SLX4: variants seen among roughly 807,000 people sequenced by gnomAD.
SLX4 encodes structure-specific endonuclease subunit SLX4.
SLX4 carries 112 observed loss-of-function variants against 146.2 expected under a neutral mutation model. That is an observed-to-expected ratio of 0.77 (90% CI 0.66 to 0.90). The LOEUF is 0.90. Ranked by LOEUF, SLX4 falls within the 40% of genes least tolerant of loss-of-function variation. SLX4 has a pLI of 0.00. For synonymous variants in SLX4, 1,061 were observed against 997.7 expected (o/e 1.06, Z -1.20); for missense variants, 2,563 against 2,392.7 (o/e 1.07, Z -1.49).
chr16:3,602,660 G>A lies in SLX4; in HGVS notation c.761-353C>T, dbSNP rs117710670. ...GCACAGGACCACTCTGAGTAGCAAG[G>A]ACCTAAACTTTCCCACTTCTGCTGA... On this transcript the variant is annotated intron_variant, in intron 3 of 14. Transcript: ENST00000294008. Among the ~76,000 whole-genome samples the A allele has an allele frequency of 9.7e-3, 1,471 of 152,288 alleles. 9 individuals are homozygous for A. Among genetic ancestry groups the A allele is most frequent in the Non-Finnish European group, 0.014 (966 of 68,028 alleles).
rs754560527 is a variant in SLX4, at chr16:3,592,746, A to G, written c.2280T>C (p.Thr760=). The part of the protein sequence containing the change: ...TFLHYLYTAD[T]GLPPGLSSEL... ...CAGAGCTAAGGCCAGGAGGAAGGCC[A>G]GTGTCCGCAGTGTAGAGATAGTGCA... The change falls in exon 11 of 15, where the codon ACT becomes ACC. Residue 760 remains threonine (T), a synonymous_variant. Coordinates refer to ENST00000294008, the MANE Select transcript of SLX4 (RefSeq NM_032444.4). 3 of 1,613,374 alleles carry G rather than the reference A, an allele frequency of 1.9e-6. No individual in the cohort carries two copies. In the East Asian group the frequency reaches 6.7e-5, roughly 36 times the overall value.
chr16:3,602,443 A>C, intron 3 of SLX4, 136 bp from the exon 4 acceptor site: 1 of 1,006,634 alleles, frequency 9.9e-7, no homozygotes. Flanking sequence ...TCCACTCTGC[A>C]GGCTGGTGAC....
At position 3,606,526 on chromosome 16, in the gene SLX4, C is replaced by T. The variant is rs765742613; in HGVS notation, c.708G>A (p.Ala236=). 1.8e-5 allele frequency: 29 copies of T among 1,614,094 alleles called. No individual in the cohort carries two copies. The highest frequency in any genetic ancestry group is 2.3e-5 in the Non-Finnish European group (27 of 1,180,050). The change falls in exon 3 of 15, where the codon GCG becomes GCA. Residue 236 remains alanine (A), a synonymous_variant. Coordinates refer to ENST00000294008, the MANE Select transcript of SLX4 (RefSeq NM_032444.4). The part of the protein sequence containing the change: ...HASEECSLEA[A]REENVPKDPQ... ...GATCCTTTGGGACATTTTCTTCCCG[C>T]GCAGCCTCGAGGGAGCACTCTTCTG...
chr16:3,602,427 C>T (rs2040738518), intron 3 of SLX4, 120 bp from the exon 4 acceptor site: 7 of 1,144,924 alleles, frequency 6.1e-6, no homozygotes, highest in Non-Finnish European at 9.1e-6. Flanking sequence ...GAAACCAGAA[C>T]CCAGCTCCAC....
In SLX4 at chr16:3,606,963, C is replaced by T. The variant is rs78956406; in HGVS notation, c.536-265G>A. The stretch of plus-strand genomic sequence containing the variant: ...TTTTAGGATGATAAAACTGTTCTAA[C>T]GTTAGGTAGTGGTGGTGGTTGGACA... On this transcript the variant is annotated intron_variant, in intron 2 of 14. Transcript: ENST00000294008. Among the ~76,000 whole-genome samples the T allele has an allele frequency of 0.05, 7,621 of 152,158 alleles. 247 individuals are homozygous for T. Among genetic ancestry groups the T allele is most frequent in the Admixed American group, 0.068 (1,046 of 15,284 alleles).
Position 3,582,529 on chromosome 16 carries a change from T to TA in SLX4, c.5317dup (p.Tyr1773LeufsTer5), listed in dbSNP as rs1567165856. The TA allele has an allele frequency of 6.2e-7, 1 of 1,613,992 alleles. No individual in the cohort carries two copies. The highest frequency in any genetic ancestry group is 1.1e-5 in the South Asian group (1 of 91,088). The stretch of plus-strand genomic sequence containing the variant: ...CAGCTCCCGCAGCTCAAAGGGCTGG[T>TA]ACAGCAGCACCTTCTGGTACAGGGC... On this transcript the variant is annotated frameshift_variant, in exon 15 of 15. Transcript: ENST00000294008. LOFTEE classifies it low-confidence loss of function (END_TRUNC).
chr16:3,610,820 C>T (rs999989921), intron 1 of SLX4, among the ~76,000 whole-genome samples: 37 of 152,110 alleles, frequency 2.4e-4, no homozygotes, highest in African/African-American at 8.4e-4. Context: ...GCAAAGAGTT[C>T]GGTATAATGG....
At chr16:3,611,258 C>G (rs1437360774) in intron 1 of SLX4, among the ~76,000 whole-genome samples, 1 of 152,180 alleles carries the variant, frequency 6.6e-6, no homozygotes, top group Non-Finnish European at 1.5e-5. Flanking sequence ...AAAGGGCTGC[C>G]AAAGACTCTA....
At chr16:3,598,461 A>G (rs1356921603) in intron 5 of SLX4, among the ~76,000 whole-genome samples, 4 of 152,234 alleles carry the variant, frequency 2.6e-5, no homozygotes, top group Non-Finnish European at 5.9e-5. Context: ...GTCCATGGCC[A>G]GAAGGAAGGG....
In SLX4 at chr16:3,606,633, A is replaced by C; in HGVS notation, c.601T>G (p.Ser201Ala). 1 of 1,614,166 alleles carries C rather than the reference A, an allele frequency of 6.2e-7. No homozygotes were observed. The highest frequency in any genetic ancestry group is 8.5e-7 in the Non-Finnish European group (1 of 1,180,032). Residue 201 changes from serine (S) to alanine (A), a missense_variant, in exon 3 of 15, where the codon TCC becomes GCC. Coordinates refer to ENST00000294008, the MANE Select transcript of SLX4 (RefSeq NM_032444.4). ...SCLTTAVPSP[S>A]KPRTAQLVLQ... ...ACCAATTGTGCTGTGCGGGGTTTGG[A>C]GGGACTTGGCACTGCTGTTGTCAAA...
chr16:3,595,597 G>C lies in SLX4; in HGVS notation c.2013+8C>G. 6.2e-7 allele frequency: 1 copy of C among 1,613,726 alleles called. No individual in the cohort carries two copies. On this transcript the variant is annotated splice_region_variant and intron_variant, in intron 9 of 14. Transcript: ENST00000294008. ...GACCAGAGAGCGCGGGCCAGAGCCA[G>C]TTCTTACCAAGGTGCGGCCGCCCCT...
In SLX4 at chr16:3,601,065, C is replaced by T. The variant is rs149470704; in HGVS notation, c.1077G>A (p.Lys359=). ...GCAGGAGCTGGGGGCCAACCTCCAT[C>T]TTCACAGCACACTGCTTCAAGTGAC... ...RTSHLKQCAV[K]MEVGPQLLLQ... is the part of the protein sequence containing the mutation. Residue 359 remains lysine, a synonymous_variant, in exon 5 of 15, where the codon AAG becomes AAA. Coordinates refer to ENST00000294008, the MANE Select transcript of SLX4 (RefSeq NM_032444.4). 2 of 1,614,030 alleles carry T rather than the reference C, an allele frequency of 1.2e-6. No individual in the cohort carries two copies. The highest frequency in any genetic ancestry group is 1.1e-5 in the South Asian group (1 of 91,086).
rs768475866 is a variant in SLX4, at chr16:3,582,602, C to T, written c.5245G>A (p.Ala1749Thr). Residue 1749 changes from alanine to threonine, a missense_variant, in exon 15 of 15, where the codon GCG becomes ACG. Physicochemically the swap from Ala to Thr is moderately conservative, Grantham distance 58 (BLOSUM62 0). Coordinates refer to ENST00000294008, the MANE Select transcript of SLX4 (RefSeq NM_032444.4). Reference sequence around the variant, plus strand: ...CTCAGCGCCTCGTCTGTGTCCGCCGCCTGCACGGCTGCCTGCGAGGCACTG... The same window carrying T: ...CTCAGCGCCTCGTCTGTGTCCGCCGTCTGCACGGCTGCCTGCGAGGCACTG... ...EVSASQAAVQ[A>T]ADTDEALRCY... 6.2e-7 allele frequency: 1 copy of T among 1,613,678 alleles called. No homozygotes were observed. The highest frequency in any genetic ancestry group is 1.7e-5 in the Admixed American group (1 of 60,028).
At chr16:3,594,375 G>C in intron 10 of SLX4, 78 bp downstream of exon 10, 1 of 1,552,688 alleles carries the variant, frequency 6.4e-7, no homozygotes, top group Non-Finnish European at 8.7e-7. Flanking sequence ...CTGAGACATG[G>C]GAAGACCTGG....
At position 3,598,065 on chromosome 16, in the gene SLX4, A is replaced by T. The variant is rs189983222; in HGVS notation, c.1164-66T>A. Reference sequence around the variant, plus strand: ...AGTGCACGCTTCTCAGGTTGGTCACACTGGTCTGGAGAGGGCTGGGCCTGA... The same window carrying T: ...AGTGCACGCTTCTCAGGTTGGTCACTCTGGTCTGGAGAGGGCTGGGCCTGA... On this transcript the variant is annotated intron_variant, in intron 5 of 14. Coordinates refer to ENST00000294008, the MANE Select transcript of SLX4 (RefSeq NM_032444.4). 1,382 of 1,591,250 alleles carry T rather than the reference A, an allele frequency of 8.7e-4. 4 individuals are homozygous for T. The African/African-American group carries it at 9.9e-3, about 11-fold the overall frequency.
At chr16:3,585,814 A>AG (rs998752793) in intron 12 of SLX4, among the ~76,000 whole-genome samples, 1 of 151,426 alleles carries the variant, frequency 6.6e-6, no homozygotes, top group African/African-American at 2.4e-5. Flanking sequence ...AAAAAAAAAA[A>AG]AAAAATACAA....
At chr16:3,582,784 G>C in intron 14 of SLX4, 91 bp from the exon 15 acceptor site, 1 of 1,227,648 alleles carries the variant, frequency 8.1e-7, no homozygotes, top group Non-Finnish European at 1.2e-6. Context: ...GGTGTCTACG[G>C]GTCCCATGGA....
intron 12 of SLX4, among the ~76,000 whole-genome samples, chr16:3,586,851 T>C (rs1406945286): frequency 1.3e-5 from 2 of 150,562 alleles, no homozygotes; most frequent in East Asian, 3.9e-4. Context: ...AGGAATAAAA[T>C]ACTGATCCAT....
At position 3,581,729 on chromosome 16, in the gene SLX4, G is replaced by A. The variant is rs1317934939; in HGVS notation, c.*613C>T. 1.3e-5 allele frequency: 2 copies of A among 157,950 alleles called. No homozygotes were observed. Among genetic ancestry groups the A allele is most frequent in the African/African-American group, 2.4e-5 (1 of 41,496 alleles). The allele number at this position is 157,950 out of a possible 1,614,324, so 9.8% of individuals were successfully genotyped here. The stretch of plus-strand genomic sequence containing the variant: ...TGGCCCACTGCCCCCTGGGACAGCT[G>A]AGGGCCCTCTTGGGTTAAGGGAGAC... On this transcript the variant is annotated 3_prime_UTR_variant, in exon 15 of 15. Coordinates refer to ENST00000294008, the MANE Select transcript of SLX4 (RefSeq NM_032444.4).
Sources: allele counts gnomAD v4.1 joint callset (sites outside exome capture counted in the v4.1 genomes callset), GRCh38; gene constraint gnomAD v4.1.1; transcripts MANE v1.5; gene names NCBI Gene and HGNC (gene_info 2026-07-23, HGNC 2026-07-21).